DPP10: variants seen among roughly 807,000 people sequenced by gnomAD.
DPP10 encodes dipeptidyl peptidase like 10.
DPP10 carries 33 observed loss-of-function variants against 120.9 expected under a neutral mutation model. That is an observed-to-expected ratio of 0.27 (90% CI 0.21 to 0.37). The LOEUF (loss-of-function observed/expected upper bound fraction) is 0.37. DPP10 is among the 10% of genes least tolerant of loss of function. DPP10 has a pLI of 1.00. For missense variants in DPP10, 816 were observed against 942.8 expected (o/e 0.87, Z 1.76); for synonymous variants, 337 against 326.1 (o/e 1.03, Z -0.36).
intron 1 of DPP10, among the ~76,000 whole-genome samples, chr2:115,184,664 T>TA (rs2105173017): frequency 6.6e-6 from 1 of 152,326 alleles, no homozygotes; most frequent in South Asian, 2.1e-4. Flanking sequence ...AAATGTTAGA[T>TA]AAGAAAAGCA....
At chr2:115,044,164 T>C (rs1028034018) in intron 1 of DPP10, among the ~76,000 whole-genome samples, 7 of 152,080 alleles carry the variant, frequency 4.6e-5, no homozygotes, top group Non-Finnish European at 8.8e-5. Flanking sequence ...ACTGAGTAAT[T>C]TATAAATAAA....
At chr2:114,837,121 A>G (rs1410251402) in intron 1 of DPP10, among the ~76,000 whole-genome samples, 1 of 152,314 alleles carries the variant, frequency 6.6e-6, no homozygotes, top group African/African-American at 2.4e-5. Flanking sequence ...AGATGACAGG[A>G]TTAAGAGATT....
intron 3 of DPP10, among the ~76,000 whole-genome samples, chr2:115,470,116 A>G (rs1301501283): frequency 6.6e-6 from 1 of 152,206 alleles, no homozygotes; most frequent in Non-Finnish European, 1.5e-5. Flanking sequence ...TACAACAAAC[A>G]ATCAAAATCC....
chr2:114,572,641 C>T (rs992410888), intron 1 of DPP10, among the ~76,000 whole-genome samples: 1 of 152,180 alleles, frequency 6.6e-6, no homozygotes, highest in South Asian at 2.1e-4. Flanking sequence ...AAACCTACAG[C>T]GAATGATAAA....
intron 1 of DPP10, among the ~76,000 whole-genome samples, chr2:114,975,048 T>C (rs1699659330): frequency 6.6e-6 from 1 of 151,888 alleles, no homozygotes; most frequent in South Asian, 2.1e-4. Flanking sequence ...TTTGCTTTTT[T>C]TTTTTTTTGA....
intron 1 of DPP10, among the ~76,000 whole-genome samples, chr2:114,778,139 A>C (rs76836846): frequency 0.013 from 1,911 of 152,250 alleles, 30 homozygotes; most frequent in Middle Eastern, 0.034. Context: ...TATTATAGGT[A>C]TTAGCATCAT....
intron 5 of DPP10, among the ~76,000 whole-genome samples, chr2:115,576,494 G>A (rs1326449273): frequency 2.0e-5 from 3 of 152,144 alleles, no homozygotes; most frequent in Admixed American, 2.0e-4. Context: ...CTTCATTTAA[G>A]AGAAAATGGC....
At chr2:115,541,135 G>A (rs900234531) in intron 5 of DPP10, among the ~76,000 whole-genome samples, 3 of 151,696 alleles carry the variant, frequency 2.0e-5, no homozygotes, top group African/African-American at 7.3e-5. Flanking sequence ...CCTATAATTA[G>A]GTTATTGTGG....
At chr2:114,726,828 A>T (rs751088086) in intron 1 of DPP10, among the ~76,000 whole-genome samples, 5 of 152,198 alleles carry the variant, frequency 3.3e-5, no homozygotes, top group Non-Finnish European at 7.4e-5. Context: ...TATTTCATAG[A>T]AAGTTGTGCT....
intron 1 of DPP10, among the ~76,000 whole-genome samples, chr2:115,232,176 A>G (rs1469298742): frequency 1.3e-4 from 20 of 152,262 alleles, no homozygotes; most frequent in African/African-American, 4.6e-4. Context: ...GCTCCCCTGT[A>G]ACATTCTAGC....
intron 1 of DPP10, among the ~76,000 whole-genome samples, chr2:115,095,129 T>C (rs1709606939): frequency 6.6e-6 from 1 of 152,232 alleles, no homozygotes; most frequent in Non-Finnish European, 1.5e-5. Context: ...AATCAATTTC[T>C]TGTGAGTTAA....
In DPP10 at chr2:114,757,460, A is replaced by G. The variant is rs10164772; in HGVS notation, c.60+314622A>G. On this transcript the variant is annotated intron_variant, in intron 1 of 25. Coordinates refer to ENST00000410059, the MANE Select transcript of DPP10 (RefSeq NM_020868.6). Reference sequence around the variant, plus strand: ...AAGGAAAAAAGATTCATTAATAAGAATGATTCAATTAGTTTGCATACCAGG... The same window carrying G: ...AAGGAAAAAAGATTCATTAATAAGAGTGATTCAATTAGTTTGCATACCAGG... 8.4e-3 allele frequency among the ~76,000 whole-genome samples: 1,273 copies of G among 152,166 alleles called. 15 individuals are homozygous for G. Among genetic ancestry groups the G allele is most frequent in the African/African-American group, 0.029 (1,221 of 41,506 alleles).
chr2:115,825,282 T>C (rs1688196774), intron 21 of DPP10, among the ~76,000 whole-genome samples: 1 of 152,196 alleles, frequency 6.6e-6, no homozygotes, highest in Non-Finnish European at 1.5e-5. Context: ...GAATTCTATC[T>C]CTTATTAAGC....
chr2:115,171,269 G>T (rs1165832204), intron 1 of DPP10, among the ~76,000 whole-genome samples: 15 of 151,208 alleles, frequency 9.9e-5, no homozygotes, highest in Admixed American at 9.2e-4. Flanking sequence ...GCTGAGGCTG[G>T]AGAATTGCTT....
chr2:115,041,357 G>A (rs1301776204), intron 1 of DPP10, among the ~76,000 whole-genome samples: 1 of 152,032 alleles, frequency 6.6e-6, no homozygotes, highest in African/African-American at 2.4e-5. Flanking sequence ...ACGATTTCTG[G>A]TATCTACTAC....
At chr2:115,220,702 TA>T (rs1559263597) in intron 1 of DPP10, among the ~76,000 whole-genome samples, 2 of 152,220 alleles carry the variant, frequency 1.3e-5, no homozygotes, top group African/African-American at 4.8e-5. Flanking sequence ...CCTAAACTTG[TA>T]GTTCATTTAG....
chr2:115,445,655 C>T (rs1001449932), intron 3 of DPP10, among the ~76,000 whole-genome samples: 10 of 152,054 alleles, frequency 6.6e-5, no homozygotes, highest in South Asian at 2.1e-4. Flanking sequence ...AATTTCTAAG[C>T]GGCAAAGCAT....
chr2:114,871,368 G>T (rs1690678150), intron 1 of DPP10, among the ~76,000 whole-genome samples: 1 of 152,096 alleles, frequency 6.6e-6, no homozygotes, highest in African/African-American at 2.4e-5. Context: ...ATCAGGAAAA[G>T]GAAAAATTAA....
At chr2:115,748,166 G>T (rs1178014183) in intron 10 of DPP10, among the ~76,000 whole-genome samples, 2 of 151,080 alleles carry the variant, frequency 1.3e-5, no homozygotes, top group African/African-American at 2.4e-5. Flanking sequence ...TTAAAATACT[G>T]CCTAAACTCT....
Sources: allele counts gnomAD v4.1 joint callset (sites outside exome capture counted in the v4.1 genomes callset), GRCh38; gene constraint gnomAD v4.1.1; transcripts MANE v1.5; gene names NCBI Gene and HGNC (gene_info 2026-07-23, HGNC 2026-07-21).